Variants in EYS observed in about 807,000 individuals in gnomAD.
EYS encodes the protein EGF-like photoreceptor maintenance factor.
A neutral mutation model predicts 282.1 loss-of-function variants in EYS; 250 were observed. The ratio of observed to expected loss-of-function variants is 0.89; its 90% CI spans 0.80 to 0.98. EYS has a LOEUF of 0.98. Ranked by LOEUF, EYS falls within the 50% of genes least tolerant of loss-of-function variation. EYS has a pLI of 0.00. For synonymous variants in EYS, 1,355 were observed against 1,282.9 expected (o/e 1.06, Z -1.20); for missense variants, 4,016 against 3,709.0 (o/e 1.08, Z -2.15).
At chr6:63,982,572 T>G (rs572712002) in intron 35 of EYS, among the ~76,000 whole-genome samples, 1 of 151,872 alleles carries the variant, frequency 6.6e-6, no homozygotes, top group Admixed American at 6.6e-5. Context: ...AACTGCTGTT[T>G]GCTTCCTCAA....
At chr6:63,885,254 C>G (rs760250910) in intron 35 of EYS, among the ~76,000 whole-genome samples, 3 of 152,140 alleles carry the variant, frequency 2.0e-5, no homozygotes, top group African/African-American at 7.2e-5. Flanking sequence ...TAGGCTACAT[C>G]TTTTGTCATC....
chr6:63,730,399 A>C (rs577112293), intron 41 of EYS, among the ~76,000 whole-genome samples: 2 of 152,296 alleles, frequency 1.3e-5, no homozygotes, highest in South Asian at 4.1e-4. Flanking sequence ...TTTTACTTAG[A>C]ATAAAATGCA....
At chr6:64,042,158 G>A (rs1246534974) in intron 33 of EYS, among the ~76,000 whole-genome samples, 1 of 152,148 alleles carries the variant, frequency 6.6e-6, no homozygotes, top group Non-Finnish European at 1.5e-5. Context: ...TAAGGCAGCA[G>A]GTCATATTTT....
intron 2 of EYS, among the ~76,000 whole-genome samples, chr6:65,622,464 A>T (rs1237121655): frequency 6.6e-6 from 1 of 152,010 alleles, no homozygotes; most frequent in Non-Finnish European, 1.5e-5. Context: ...TCATTATTAA[A>T]ATAATAGTAG....
At chr6:64,984,257 C>T (rs1305162338) in intron 14 of EYS, among the ~76,000 whole-genome samples, 2 of 151,250 alleles carry the variant, frequency 1.3e-5, no homozygotes. Context: ...GAGATGACCC[C>T]ATTACAGACT....
chr6:63,721,590 G>T lies in EYS; in HGVS notation c.8441C>A (p.Ser2814Tyr). 6.4e-7 allele frequency: 1 copy of T among 1,551,608 alleles called. No individual in the cohort carries two copies. Among genetic ancestry groups the T allele is most frequent in the Non-Finnish European group, 8.7e-7 (1 of 1,146,758 alleles). The part of the protein sequence containing the change: ...VTEKASTKMS[S>Y]LDTNTDFYIG... ...ATAGAAGTCTGTATTTGTGTCCAGA[G>T]AACTCATTTTAGTGGAGGCCTTTTC... The change falls in exon 43 of 43, where the codon TCT becomes TAT. Residue 2814 changes from serine (S) to tyrosine (Y), a missense_variant. By Grantham distance (144) the Ser-to-Tyr change is moderately radical (BLOSUM62 -2). Coordinates refer to ENST00000503581, the MANE Select transcript of EYS (RefSeq NM_001142800.2).
At chr6:63,745,140 A>G (rs1769181968) in intron 41 of EYS, 1 of 327,562 alleles carries the variant, frequency 3.1e-6, no homozygotes, top group African/African-American at 2.3e-5. Flanking sequence ...AAATCTGCTA[A>G]ATCCAAAGTT....
intron 10 of EYS, among the ~76,000 whole-genome samples, 190 bp from the exon 11 acceptor site, chr6:65,335,336 G>A (rs1164606432): frequency 6.6e-6 from 1 of 151,678 alleles, no homozygotes; most frequent in African/African-American, 2.4e-5. Flanking sequence ...TAAATTTCTA[G>A]AGCTACAAGA....
At chr6:65,069,092 T>G (rs1235273454) in intron 12 of EYS, among the ~76,000 whole-genome samples, 2 of 151,968 alleles carry the variant, frequency 1.3e-5, no homozygotes, top group Non-Finnish European at 2.9e-5. Flanking sequence ...TCTTTTTCTT[T>G]CCGAAAATAA....
At chr6:64,882,171 A>G (rs567950445) in intron 19 of EYS, among the ~76,000 whole-genome samples, 70 of 151,890 alleles carry the variant, frequency 4.6e-4, no homozygotes, top group African/African-American at 1.6e-3. Flanking sequence ...AATACCAGGG[A>G]CAATGTCTTT....
At chr6:64,370,376 T>C (rs1216703097) in intron 29 of EYS, among the ~76,000 whole-genome samples, 2 of 152,178 alleles carry the variant, frequency 1.3e-5, no homozygotes, top group African/African-American at 4.8e-5. Context: ...AGAGCCTACT[T>C]GATCATGGTG....
At chr6:64,714,029 A>G (rs928385446) in intron 22 of EYS, among the ~76,000 whole-genome samples, 5 of 152,236 alleles carry the variant, frequency 3.3e-5, no homozygotes, top group Non-Finnish European at 5.9e-5. Flanking sequence ...TGCAAATTTT[A>G]TAATAGCAAG....
chr6:64,934,553 A>C (rs1768839351), intron 15 of EYS, among the ~76,000 whole-genome samples: 1 of 151,916 alleles, frequency 6.6e-6, no homozygotes, highest in Non-Finnish European at 1.5e-5. Context: ...CATAAGAATA[A>C]CAATTGACTT....
intron 26 of EYS, among the ~76,000 whole-genome samples, chr6:64,582,418 T>C (rs1256796607): frequency 6.6e-6 from 1 of 152,044 alleles, no homozygotes; most frequent in Admixed American, 6.6e-5. Context: ...TAGCCCCCCA[T>C]GGAAAAACTG....
intron 35 of EYS, among the ~76,000 whole-genome samples, chr6:63,923,256 G>A (rs962206719): frequency 1.3e-5 from 2 of 151,974 alleles, no homozygotes; most frequent in Non-Finnish European, 2.9e-5. Flanking sequence ...AGACAAAAGG[G>A]ACAAAATCCA....
chr6:64,462,187 G>A (rs1029459291), intron 26 of EYS, among the ~76,000 whole-genome samples: 49 of 152,096 alleles, frequency 3.2e-4, no homozygotes, highest in Admixed American at 1.3e-4. Context: ...TAATTTCATT[G>A]TGTAACTTAA....
chr6:64,768,241 G>A (rs1021964472), intron 22 of EYS, among the ~76,000 whole-genome samples: 1 of 151,968 alleles, frequency 6.6e-6, no homozygotes, highest in Non-Finnish European at 1.5e-5. Context: ...TTCATATTAA[G>A]ATTCTGCAAA....
chr6:63,906,776 C>G (rs996751612), intron 35 of EYS, among the ~76,000 whole-genome samples: 1 of 151,648 alleles, frequency 6.6e-6, no homozygotes, highest in Non-Finnish European at 1.5e-5. Flanking sequence ...AAAACTGTTC[C>G]CAAGGAGTGA....
chr6:63,931,826 C>G (rs1269622252), intron 35 of EYS, among the ~76,000 whole-genome samples: 1 of 152,054 alleles, frequency 6.6e-6, no homozygotes. Context: ...AATAAATTAT[C>G]ATTAACCACA....
Sources: allele counts gnomAD v4.1 joint callset (sites outside exome capture counted in the v4.1 genomes callset), GRCh38; gene constraint gnomAD v4.1.1; transcripts MANE v1.5; gene names NCBI Gene and HGNC (gene_info 2026-07-23, HGNC 2026-07-21).